NISCH: variants seen among roughly 807,000 people sequenced by gnomAD.
NISCH encodes the protein I-1 receptor candidate protein.
In NISCH, 55 loss-of-function variants were observed where a neutral mutation model predicts 138.4. That is an observed-to-expected ratio of 0.40 (90% CI 0.32 to 0.50). The LOEUF (loss-of-function observed/expected upper bound fraction) is 0.50. Among genes scored for constraint, NISCH ranks in the 20% least tolerant of loss-of-function variants. The pLI, the probability that NISCH is intolerant of heterozygous loss-of-function variation, is 0.71. For synonymous variants in NISCH, 860 were observed against 861.5 expected (o/e 1.00, Z 0.03); for missense variants, 1,643 against 2,005.5 (o/e 0.82, Z 3.45).
chr3:52,489,262 C>T (rs1707495577), intron 16 of NISCH, 74 bp from the exon 17 acceptor site: 6 of 1,533,958 alleles, frequency 3.9e-6, no homozygotes, highest in Non-Finnish European at 4.4e-6. Context: ...AGTCTCCTCA[C>T]TCTGAAGCTG....
chr3:52,457,171 T>TA (rs1706498930), intron 1 of NISCH, among the ~76,000 whole-genome samples: 1 of 152,212 alleles, frequency 6.6e-6, no homozygotes, highest in African/African-American at 2.4e-5. Context: ...AAGTTACTTA[T>TA]ATAAGTGACA....
chr3:52,456,338 T>A (rs1486453879), intron 1 of NISCH, among the ~76,000 whole-genome samples: 3 of 151,818 alleles, frequency 2.0e-5, no homozygotes, highest in Non-Finnish European at 4.4e-5. Context: ...ATGGGGGTGG[T>A]CTCAGTGCTA....
chr3:52,464,436 T>C (rs1244539094), intron 3 of NISCH, among the ~76,000 whole-genome samples: 1 of 151,758 alleles, frequency 6.6e-6, no homozygotes, highest in African/African-American at 2.4e-5. Flanking sequence ...TCTTTGTTGT[T>C]GAGTTGTAAG....
chr3:52,463,938 G>A (rs1265784669), intron 3 of NISCH, among the ~76,000 whole-genome samples: 1 of 150,756 alleles, frequency 6.6e-6, no homozygotes, highest in East Asian at 2.0e-4. Context: ...TGTCGGCCAG[G>A]ATGGTCTCGA....
At chr3:52,484,267 C>T in intron 13 of NISCH, 6 of 444,442 alleles carry the variant, frequency 1.4e-5, no homozygotes, top group South Asian at 4.1e-5. Context: ...AGTTTTTTTC[C>T]ATTGCATTTA....
chr3:52,486,656 C>T (rs1291700198), intron 15 of NISCH: 2 of 153,504 alleles, frequency 1.3e-5, no homozygotes, highest in Non-Finnish European at 2.9e-5. Context: ...ATCGTATGGA[C>T]ATGGTAGCCC....
rs1236704579 is a variant in NISCH, at chr3:52,485,863, C to T, written c.1703+36C>T. 2.6e-6 allele frequency: 4 copies of T among 1,557,138 alleles called. No homozygotes were observed. The East Asian group carries it at 7.2e-5, about 28-fold the overall frequency. ...GGTTGGAAAGGGACCTGGGCCTGGC[C>T]ACACAGCCTTATGCACACACACTGC... On this transcript the variant is annotated intron_variant, in intron 15 of 20. Transcript: ENST00000345716.
Position 52,489,609 on chromosome 3 carries a change from G to A in NISCH, c.3387G>A (p.Pro1129=), listed in dbSNP as rs141420336. The change falls in exon 17 of 21, where the codon CCG becomes CCA. Residue 1129 remains proline, a synonymous_variant. Transcript: ENST00000345716. ...NQIPSHLPAC[P]SLRHVASLRG... ...TCCCCTCGCACTTGCCTGCCTGCCC[G>A]TCGCTCCGGCACGTCGCCAGCCTGC... The A allele has an allele frequency of 6.1e-5, 99 of 1,612,978 alleles. No homozygotes were observed. Among genetic ancestry groups the A allele is most frequent in the Non-Finnish European group, 7.9e-5 (93 of 1,179,978 alleles).
At chr3:52,482,101 T>C (rs1707291002) in intron 13 of NISCH, among the ~76,000 whole-genome samples, 1 of 152,232 alleles carries the variant, frequency 6.6e-6, no homozygotes, top group South Asian at 2.1e-4. Context: ...ACAGGGCTTG[T>C]GGGAGGTAGT....
intron 3 of NISCH, among the ~76,000 whole-genome samples, chr3:52,462,271 A>T (rs1706656591): frequency 6.6e-6 from 1 of 152,228 alleles, no homozygotes. Context: ...TTTGGACTGG[A>T]TAATTTGTTT....
chr3:52,492,048 C>G lies in NISCH; in HGVS notation c.4081C>G (p.Pro1361Ala), dbSNP rs1420878034. 2 of 1,613,012 alleles carry G rather than the reference C, an allele frequency of 1.2e-6. No individual in the cohort carries two copies. The highest frequency in any genetic ancestry group is 2.7e-5 in the African/African-American group (2 of 74,944). ...VQAFQVGMPP[P>A]GCCRGPLRPK... ...GGCCTTCCAGGTGGGCATGCCACCC[C>G]CTGGGTGCTGCAGGGGCCCCCTGCG... The change falls in exon 21 of 21, where the codon CCT (proline) becomes GCT (alanine). Residue 1361 changes from proline (P) to alanine (A), a missense_variant. By Grantham distance (27) the Pro-to-Ala change is conservative. Transcript: ENST00000345716.
At chr3:52,477,913 G>A in intron 9 of NISCH, 184 bp from the exon 10 acceptor site, 1 of 685,898 alleles carries the variant, frequency 1.5e-6, no homozygotes, top group Non-Finnish European at 2.5e-6. Context: ...ACTGTCTGCA[G>A]GGGTGCCACT....
chr3:52,473,511 A>G (rs920822036), intron 6 of NISCH, among the ~76,000 whole-genome samples: 4 of 152,114 alleles, frequency 2.6e-5, no homozygotes, highest in African/African-American at 9.7e-5. Flanking sequence ...GTCCATTGTG[A>G]GTCTGAGGGG....
intron 16 of NISCH, 65 bp from the exon 17 acceptor site, chr3:52,489,271 T>A: frequency 6.4e-7 from 1 of 1,554,732 alleles, no homozygotes; most frequent in Non-Finnish European, 8.7e-7. Flanking sequence ...ACTCTGAAGC[T>A]GCACATGCGA....
chr3:52,456,671 T>G (rs550611765), intron 1 of NISCH, among the ~76,000 whole-genome samples: 1 of 152,334 alleles, frequency 6.6e-6, no homozygotes, highest in South Asian at 2.1e-4. Context: ...TGAGGGCCAT[T>G]CTTCTGGCTC....
At chr3:52,478,069 CT>C in intron 9 of NISCH, 27 bp from the exon 10 acceptor site, 1 of 1,611,724 alleles carries the variant, frequency 6.2e-7, no homozygotes, top group Admixed American at 1.7e-5. Flanking sequence ...ACCTGAGCCA[CT>C]TTACGCTGTT....
rs946975307 is a variant in NISCH, at chr3:52,478,591, C to T, written c.1302+14C>T. The stretch of plus-strand genomic sequence containing the variant: ...AGGGCCTCAGAGGTGAGCCCCAGCA[C>T]AGTCAGAAGAGCCCAGGGAGACCTT... On this transcript the variant is annotated intron_variant, in intron 11 of 20. Coordinates refer to ENST00000345716, the MANE Select transcript of NISCH (RefSeq NM_007184.4). The T allele has an allele frequency of 1.9e-6, 3 of 1,613,558 alleles. No homozygotes were observed. The highest frequency in any genetic ancestry group is 2.5e-6 in the Non-Finnish European group (3 of 1,179,514).
chr3:52,474,071 C>T (rs1707029290), intron 7 of NISCH, among the ~76,000 whole-genome samples: 1 of 152,160 alleles, frequency 6.6e-6, no homozygotes, highest in Admixed American at 6.5e-5. Flanking sequence ...AGGAACTTGG[C>T]TTCTTTCCCC....
At position 52,471,880 on chromosome 3, in the gene NISCH, A is replaced by G; in HGVS notation, c.476A>G (p.Glu159Gly). 1 of 1,613,542 alleles carries G rather than the reference A, an allele frequency of 6.2e-7. No individual in the cohort carries two copies. Among genetic ancestry groups the G allele is most frequent in the South Asian group, 1.1e-5 (1 of 91,038 alleles). ...CCCCTGCAGCTGTATGCCGTCACGGAGCAGCTGCAGCAGGGAAAGCCCACG... is the reference window on the plus strand; with the variant it reads ...CCCCTGCAGCTGTATGCCGTCACGGGGCAGCTGCAGCAGGGAAAGCCCACG... ...IGPLQLYAVT[E>G]QLQQGKPTCA... The change falls in exon 5 of 21, where the codon GAG (glutamate) becomes GGG (glycine). Residue 159 changes from glutamate to glycine, a missense_variant. Transcript: ENST00000345716.
Sources: allele counts gnomAD v4.1 joint callset (sites outside exome capture counted in the v4.1 genomes callset), GRCh38; gene constraint gnomAD v4.1.1; transcripts MANE v1.5; gene names NCBI Gene and HGNC (gene_info 2026-07-23, HGNC 2026-07-21).